GNAO1: variants seen among roughly 807,000 people sequenced by gnomAD.
GNAO1 encodes guanine nucleotide-binding protein G(o) subunit alpha.
For missense variants in GNAO1, 166 were observed against 478.7 expected (o/e 0.35, Z 6.10); for synonymous variants, 164 against 180.7 (o/e 0.91, Z 0.74).
intron 6 of GNAO1, chr16:56,347,203 C>T (rs1022122585): frequency 1.0e-6 from 1 of 985,434 alleles, no homozygotes. Context: ...CCTCTGGCTG[C>T]CTCTTCTCTT....
rs137912325 is a variant in GNAO1 at position 56,329,409 on chromosome 16, G to A, written c.464+618G>A. ...GGACAGAAGAGAAGACGGAGAGGTGGGAAGTGGTAAAAGCTGGAGCTGGTT... is the reference window on the plus strand; with the variant it reads ...GGACAGAAGAGAAGACGGAGAGGTGAGAAGTGGTAAAAGCTGGAGCTGGTT... On this transcript the variant is annotated intron_variant, in intron 4 of 8. Coordinates refer to ENST00000262493, the MANE Select transcript of GNAO1 (RefSeq NM_020988.3). 5.2e-3 allele frequency among the ~76,000 whole-genome samples: 788 copies of A among 152,304 alleles called. 7 individuals carry two copies. Among genetic ancestry groups the A allele is most frequent in the African/African-American group, 0.018 (749 of 41,554 alleles).
chr16:56,202,306 G>A (rs2036288294), intron 2 of GNAO1, among the ~76,000 whole-genome samples: 1 of 152,150 alleles, frequency 6.6e-6, no homozygotes, highest in African/African-American at 2.4e-5. Flanking sequence ...TAGACTGGTG[G>A]GAGAAAAGCC....
chr16:56,194,949 T>C (rs1251660883), intron 2 of GNAO1, among the ~76,000 whole-genome samples: 2 of 152,156 alleles, frequency 1.3e-5, no homozygotes, highest in African/African-American at 4.8e-5. Context: ...GGATGTAGAC[T>C]TCCCCAGGAA....
chr16:56,297,522 GGTGTGTGTGTGTGTGTGTGT>G (rs10545712), intron 3 of GNAO1, among the ~76,000 whole-genome samples: 16 of 134,408 alleles, frequency 1.2e-4, no homozygotes, highest in African/African-American at 3.4e-4. Flanking sequence ...TTGTCTAACT[GGTGTGTGTGTGTGTGTGTGT>G]GTGTGTGTGT....
intron 2 of GNAO1, among the ~76,000 whole-genome samples, chr16:56,234,735 C>T (rs948249827): frequency 6.6e-6 from 1 of 152,260 alleles, no homozygotes; most frequent in Middle Eastern, 3.4e-3. Context: ...CTGGTTCCCC[C>T]CCAACTCCTA....
intron 3 of GNAO1, among the ~76,000 whole-genome samples, chr16:56,291,041 C>T (rs1359478615): frequency 1.3e-5 from 2 of 152,096 alleles, no homozygotes; most frequent in Non-Finnish European, 2.9e-5. Flanking sequence ...AGGTTGTTTC[C>T]ACCTTTTGGC....
At chr16:56,322,086 T>C (rs2037578088) in intron 3 of GNAO1, among the ~76,000 whole-genome samples, 12 of 152,170 alleles carry the variant, frequency 7.9e-5, no homozygotes, top group Admixed American at 7.9e-4. Context: ...GGTGTGGGTC[T>C]TTGGGGCCTC....
intron 2 of GNAO1, among the ~76,000 whole-genome samples, chr16:56,224,371 C>G (rs143782552): frequency 6.6e-6 from 1 of 152,164 alleles, no homozygotes; most frequent in Non-Finnish European, 1.5e-5. Flanking sequence ...AGGCTGCTAC[C>G]CGGTAGGATA....
intron 3 of GNAO1, among the ~76,000 whole-genome samples, chr16:56,290,236 T>C (rs2037216647): frequency 6.6e-6 from 1 of 152,198 alleles, no homozygotes; most frequent in Admixed American, 6.5e-5. Flanking sequence ...CCTCTTGTCC[T>C]GACTCTCAGA....
intron 6 of GNAO1, among the ~76,000 whole-genome samples, chr16:56,349,648 A>G (rs1308075900): frequency 3.3e-5 from 5 of 152,180 alleles, no homozygotes; most frequent in Non-Finnish European, 7.3e-5. Context: ...AGTTTACTGA[A>G]TCTGTTTAGC....
intron 3 of GNAO1, among the ~76,000 whole-genome samples, chr16:56,319,619 G>A (rs1310855113): frequency 6.6e-6 from 1 of 152,166 alleles, no homozygotes; most frequent in Non-Finnish European, 1.5e-5. Flanking sequence ...GCACACTCGT[G>A]ACCAGCCGCC....
chr16:56,308,398 G>C (rs370914752), intron 3 of GNAO1: 35 of 152,236 alleles, frequency 2.3e-4, no homozygotes, highest in African/African-American at 8.0e-4. Flanking sequence ...TGAGTCAGCA[G>C]TGACGGTGAC....
chr16:56,204,103 T>G (rs898565844), intron 2 of GNAO1, among the ~76,000 whole-genome samples: 3 of 152,090 alleles, frequency 2.0e-5, no homozygotes, highest in Non-Finnish European at 4.4e-5. Flanking sequence ...TGACCCCTGG[T>G]GTCTAGTTGA....
chr16:56,347,787 C>T (rs11640263), intron 6 of GNAO1: 332,454 of 918,902 alleles, frequency 0.36, 61,469 homozygotes, highest in African/African-American at 0.53. Flanking sequence ...CCTTTCCCTC[C>T]TCTCCCCTCC....
chr16:56,243,425 G>T (rs933687722), intron 2 of GNAO1, among the ~76,000 whole-genome samples: 2 of 152,088 alleles, frequency 1.3e-5, no homozygotes, highest in Non-Finnish European at 1.5e-5. Context: ...TCATATGTCT[G>T]ATCAGGGATT....
chr16:56,260,204 T>A (rs1028784875), intron 2 of GNAO1, among the ~76,000 whole-genome samples: 2 of 152,202 alleles, frequency 1.3e-5, no homozygotes, highest in African/African-American at 4.8e-5. Context: ...GCCGCTACTC[T>A]GTTCTCCCAG....
intron 3 of GNAO1, among the ~76,000 whole-genome samples, chr16:56,312,149 G>A (rs1377570973): frequency 6.6e-6 from 1 of 152,128 alleles, no homozygotes; most frequent in Non-Finnish European, 1.5e-5. Context: ...GGAAGACCAG[G>A]CCACTAAATC....
At chr16:56,211,796 G>A (rs1033674258) in intron 2 of GNAO1, among the ~76,000 whole-genome samples, 8 of 152,190 alleles carry the variant, frequency 5.3e-5, no homozygotes, top group Non-Finnish European at 7.3e-5. Context: ...GTCCAGAGCT[G>A]GCTGCATACA....
chr16:56,260,562 A>G (rs1272831858), intron 2 of GNAO1, among the ~76,000 whole-genome samples: 1 of 152,020 alleles, frequency 6.6e-6, no homozygotes, highest in Admixed American at 6.5e-5. Context: ...CTGAGAGGGA[A>G]CAGCTGGGCT....
Sources: gnomAD v4.1 joint callset for allele counts (sites outside exome capture counted in the v4.1 genomes callset) on GRCh38, gnomAD v4.1.1 for gene constraint, MANE v1.5 for transcripts, NCBI Gene and HGNC (gene_info 2026-07-23, HGNC 2026-07-21) for gene names.